Variants in IMPACT observed in about 807,000 individuals in gnomAD.
IMPACT encodes the protein impact RWD domain protein.
In IMPACT, 35 loss-of-function variants were observed where a neutral mutation model predicts 47.5. That is an observed-to-expected ratio of 0.74 (90% CI 0.56 to 0.98). The LOEUF is 0.98. Among genes scored for constraint, IMPACT ranks in the 50% least tolerant of loss-of-function variants. The probability of loss-of-function intolerance (pLI) is 0.00; values close to 1 mark genes in which losing one functional copy is unlikely to be tolerated. For missense variants in IMPACT, 373 were observed against 394.8 expected (o/e 0.94, Z 0.47); for synonymous variants, 118 against 125.6 (o/e 0.94, Z 0.40).
chr18:24,440,764 C>A (rs761132416), intron 6 of IMPACT, 146 bp downstream of exon 6: 2 of 804,642 alleles, frequency 2.5e-6, no homozygotes, highest in Non-Finnish European at 3.6e-6. Flanking sequence ...TTTTTCCTGC[C>A]TGTTGGCAAT....
In IMPACT at chr18:24,453,037, A is replaced by G. The variant is rs1909426249; in HGVS notation, c.*2190A>G. 1 of 152,158 alleles carries G rather than the reference A, an allele frequency of 6.6e-6. No homozygotes were observed. Among genetic ancestry groups the G allele is most frequent in the African/African-American group, 2.4e-5 (1 of 41,424 alleles). 9.4% of individuals were successfully genotyped at this position (152,158 alleles called of 1,614,324 possible). ...ATCGATCTTCCTGCCAAGGTTTTGG[A>G]ATTACAGGTGTGAGCCACCATGCCT... On this transcript the variant is annotated 3_prime_UTR_variant, in exon 11 of 11. Transcript: ENST00000284202.
rs1909422856 is a variant in IMPACT, at chr18:24,452,930, C to T, written c.*2083C>T. 6.6e-6 allele frequency: 1 copy of T among 152,118 alleles called. No individual in the cohort carries two copies. Among genetic ancestry groups the T allele is most frequent in the Non-Finnish European group, 1.5e-5 (1 of 68,042 alleles). The allele number at this position is 152,118 out of a possible 1,614,324, so 9.4% of individuals were successfully genotyped here. A position where few individuals can be genotyped will look rare whatever the true frequency, so the allele number is the denominator to read the frequency against. On this transcript the variant is annotated 3_prime_UTR_variant, in exon 11 of 11. Coordinates refer to ENST00000284202, the MANE Select transcript of IMPACT (RefSeq NM_018439.4). ...GATTACAGACAGGCATGTGCTATTA[C>T]ACCTGGCTAATTTTTAAAGTTTTTT...
At chr18:24,449,753 C>CT (rs1909331629) in intron 9 of IMPACT, 66 bp from the exon 10 acceptor site, 1 of 1,453,148 alleles carries the variant, frequency 6.9e-7, no homozygotes, top group East Asian at 2.3e-5. Context: ...TTTCATTCTC[C>CT]TTTTTTAAAA....
At chr18:24,439,171 C>T (rs879555590) in intron 5 of IMPACT, among the ~76,000 whole-genome samples, 2 of 152,148 alleles carry the variant, frequency 1.3e-5, no homozygotes, top group Admixed American at 1.3e-4. Context: ...ATTCAACTGA[C>T]TTAATTGTTA....
intron 10 of IMPACT, among the ~76,000 whole-genome samples, chr18:24,450,343 C>T (rs1909350690): frequency 6.6e-6 from 1 of 152,166 alleles, no homozygotes; most frequent in Non-Finnish European, 1.5e-5. Flanking sequence ...CTGAAATTCT[C>T]TGTTAGTGTC....
intron 8 of IMPACT, among the ~76,000 whole-genome samples, chr18:24,447,544 T>TAGAAAATTTAAATC (rs1909277318): frequency 6.6e-6 from 1 of 152,184 alleles, no homozygotes; most frequent in Non-Finnish European, 1.5e-5. Flanking sequence ...ATTTAAATCT[T>TAGAAAATTTAAATC]TACATTCTTA....
rs1909365817 is a variant in IMPACT at position 24,450,814 on chromosome 18, A to G, written c.930A>G (p.Lys310=). 1.2e-6 allele frequency: 2 copies of G among 1,610,846 alleles called. No homozygotes were observed. The highest frequency in any genetic ancestry group is 2.2e-5 in the South Asian group (2 of 90,916). ...ESSKALGKNK[K]VRKDKKRNEH ...CTAAGGCTTTGGGAAAGAACAAAAA[A>G]GTAAGAAAAGACAAGAAGAGGAATG... The change falls in exon 11 of 11, where the codon AAA becomes AAG. Residue 310 remains lysine (K), a synonymous_variant. Coordinates refer to ENST00000284202, the MANE Select transcript of IMPACT (RefSeq NM_018439.4).
intron 4 of IMPACT, among the ~76,000 whole-genome samples, chr18:24,436,678 A>G (rs570187597): frequency 2.2e-4 from 33 of 152,144 alleles, no homozygotes; most frequent in Admixed American, 5.2e-4. Flanking sequence ...CTTCCTGAGT[A>G]GCTGGTATTA....
chr18:24,448,792 CT>C (rs1387867344), intron 9 of IMPACT, among the ~76,000 whole-genome samples: 3 of 152,084 alleles, frequency 2.0e-5, no homozygotes, highest in Non-Finnish European at 4.4e-5. Flanking sequence ...GTTCTCACCC[CT>C]AAAAAAATTT....
intron 6 of IMPACT, among the ~76,000 whole-genome samples, chr18:24,441,480 C>T (rs1345621750): frequency 2.0e-5 from 3 of 152,230 alleles, no homozygotes; most frequent in Non-Finnish European, 4.4e-5. Context: ...CCACGCCCGG[C>T]CTAGTTTTCG....
intron 4 of IMPACT, among the ~76,000 whole-genome samples, chr18:24,433,450 C>CTT: frequency 6.7e-6 from 1 of 150,058 alleles, no homozygotes; most frequent in Non-Finnish European, 1.5e-5. Context: ...CCACCCGCCT[C>CTT]GGCCTCCCAA....
chr18:24,450,915 A>G lies in IMPACT; in HGVS notation c.*68A>G. 2 of 958,810 alleles carry G rather than the reference A, an allele frequency of 2.1e-6. No individual in the cohort carries two copies. Among genetic ancestry groups the G allele is most frequent in the Non-Finnish European group, 3.3e-6 (2 of 612,124 alleles). 59.4% of individuals were successfully genotyped at this position (958,810 alleles called of 1,614,324 possible). A position where few individuals can be genotyped will look rare whatever the true frequency, so the allele number is the denominator to read the frequency against. Reference sequence around the variant, plus strand: ...ATACATTCCATAGTCATCAAGGAATATATTGTGCAGAGAGAGTATCCTTGA... The same window carrying G: ...ATACATTCCATAGTCATCAAGGAATGTATTGTGCAGAGAGAGTATCCTTGA... On this transcript the variant is annotated 3_prime_UTR_variant, in exon 11 of 11. Transcript: ENST00000284202.
Position 24,435,054 on chromosome 18 carries a change from G to T in IMPACT, c.282-2901G>T, listed in dbSNP as rs1223482355. Among the ~76,000 whole-genome samples the T allele has an allele frequency of 2.7e-5, 4 of 150,828 alleles. No homozygotes were observed. In the East Asian group the frequency reaches 7.8e-4, roughly 29 times the overall value. ...AGTGGCATGATCATGGTTCACTGTA[G>T]CCTTGACCTCCTGGGCCCAAGTGAT... On this transcript the variant is annotated intron_variant, in intron 4 of 10. Coordinates refer to ENST00000284202, the MANE Select transcript of IMPACT (RefSeq NM_018439.4).
In IMPACT at chr18:24,445,436, C is replaced by A; in HGVS notation, c.638C>A (p.Ala213Asp). 1.2e-6 allele frequency: 2 copies of A among 1,605,670 alleles called. No individual in the cohort carries two copies. The highest frequency in any genetic ancestry group is 2.7e-5 in the African/African-American group (2 of 74,784). ...LSKLYENKKI[A>D]SATHNIYAYR... Reference sequence around the variant, plus strand: ...AAATTGTATGAGAATAAGAAAATAGCTAGTGCCACCCACAACATCTATGCC... The same window carrying A: ...AAATTGTATGAGAATAAGAAAATAGATAGTGCCACCCACAACATCTATGCC... Residue 213 changes from alanine to aspartate, a missense_variant, in exon 8 of 11, where the codon GCT (alanine) becomes GAT (aspartate). Physicochemically the swap from Ala to Asp is moderately radical, Grantham distance 126 (BLOSUM62 -2). Transcript: ENST00000284202.
intron 6 of IMPACT, 121 bp from the exon 7 acceptor site, chr18:24,442,927 TG>T (rs1358264730): frequency 7.8e-6 from 4 of 515,478 alleles, no homozygotes; most frequent in Non-Finnish European, 1.0e-5. Flanking sequence ...TAGCGATTAA[TG>T]GTTATTTTAG....
intron 4 of IMPACT, among the ~76,000 whole-genome samples, chr18:24,431,894 GT>G (rs1451742237): frequency 1.3e-5 from 2 of 152,154 alleles, no homozygotes; most frequent in Non-Finnish European, 2.9e-5. Flanking sequence ...TAGAGGCGGA[GT>G]TTCACCATGT....
intron 4 of IMPACT, among the ~76,000 whole-genome samples, chr18:24,434,795 ATGTG>A (rs71994854): frequency 1.0e-3 from 68 of 67,580 alleles, no homozygotes; most frequent in Middle Eastern, 8.1e-3. Flanking sequence ...ATATATATAT[ATGTG>A]TGTGTGTGTG....
intron 6 of IMPACT, 109 bp downstream of exon 6, chr18:24,440,727 A>C: frequency 9.3e-7 from 1 of 1,078,684 alleles, no homozygotes; most frequent in Non-Finnish European, 1.3e-6. Context: ...TTTAGGAAGG[A>C]GTTATTAATT....
chr18:24,431,485 A>C (rs1465792727), intron 4 of IMPACT, among the ~76,000 whole-genome samples: 1 of 152,010 alleles, frequency 6.6e-6, no homozygotes. Flanking sequence ...GAAGCAGAGA[A>C]GGGTTTTAAG....
Sources: gnomAD v4.1 joint callset for allele counts (sites outside exome capture counted in the v4.1 genomes callset) on GRCh38, gnomAD v4.1.1 for gene constraint, MANE v1.5 for transcripts, NCBI Gene and HGNC (gene_info 2026-07-23, HGNC 2026-07-21) for gene names.